The following TENM3 variants were observed in gnomAD, a reference collection of about 807,000 sequenced individuals.
TENM3 encodes teneurin transmembrane protein 3.
TENM3 carries 63 observed loss-of-function variants against 255.1 expected under a neutral mutation model. The observed-to-expected ratio is 0.25, with a 90% CI of 0.20 to 0.30. The LOEUF is 0.30. Ranked by LOEUF, TENM3 falls within the 10% of genes least tolerant of loss-of-function variation. The pLI is 1.00. For synonymous variants in TENM3, 1,306 were observed against 1,322.3 expected (o/e 0.99, Z 0.27); for missense variants, 2,929 against 3,461.1 (o/e 0.85, Z 3.86).
chr4:181,683,516 G>A, the TENM3 span, among the ~76,000 whole-genome samples: 193 of 152,274 alleles, frequency 1.3e-3, no homozygotes, highest in African/African-American at 4.3e-3. Context: ...TCTAGTGGGG[G>A]GGCCAAGAAT....
the TENM3 span, among the ~76,000 whole-genome samples, chr4:181,792,223 C>T: frequency 2.6e-5 from 4 of 152,254 alleles, no homozygotes; most frequent in African/African-American, 9.6e-5. Context: ...GGAGAATATC[C>T]TTAAGATTAA....
the TENM3 span, among the ~76,000 whole-genome samples, chr4:182,044,443 G>T: frequency 6.6e-6 from 1 of 152,160 alleles, no homozygotes; most frequent in Admixed American, 6.5e-5. Context: ...AGGTCACGCA[G>T]ATATTTTAAC....
the TENM3 span, among the ~76,000 whole-genome samples, chr4:181,970,479 C>T: frequency 3.3e-5 from 5 of 152,182 alleles, no homozygotes; most frequent in Non-Finnish European, 7.4e-5. Flanking sequence ...TTGAAACTTT[C>T]ACTTCCTGTG....
chr4:181,852,959 A>G, the TENM3 span, among the ~76,000 whole-genome samples: 1 of 152,258 alleles, frequency 6.6e-6, no homozygotes, highest in Non-Finnish European at 1.5e-5. Flanking sequence ...TACCACAATA[A>G]GAATAAATAA....
chr4:181,650,513 G>A, the TENM3 span, among the ~76,000 whole-genome samples: 24 of 152,176 alleles, frequency 1.6e-4, no homozygotes, highest in African/African-American at 5.3e-4. Flanking sequence ...TTCATCATCC[G>A]CTTCTCTTTC....
chr4:182,192,272 G>A (rs930856096), intron 1 of TENM3, among the ~76,000 whole-genome samples: 1 of 152,102 alleles, frequency 6.6e-6, no homozygotes, highest in African/African-American at 2.4e-5. Flanking sequence ...GTTACTATCT[G>A]GCTCTTTACA....
chr4:182,012,548 A>G, the TENM3 span: 3 of 152,208 alleles, frequency 2.0e-5, no homozygotes, highest in Non-Finnish European at 4.4e-5. Context: ...AGCTTTCACT[A>G]AAGTCTGGAG....
At chr4:181,856,879 A>G in the TENM3 span, among the ~76,000 whole-genome samples, 1 of 152,332 alleles carries the variant, frequency 6.6e-6, no homozygotes, top group African/African-American at 2.4e-5. Context: ...GCAGCACCAC[A>G]GTGGTTATAG....
the TENM3 span, among the ~76,000 whole-genome samples, chr4:181,801,277 G>A: frequency 3.3e-5 from 5 of 152,016 alleles, no homozygotes; most frequent in Admixed American, 6.6e-5. Context: ...CTCTTTACAC[G>A]TCTGAGAGAC....
chr4:181,859,258 A>AAC, the TENM3 span, among the ~76,000 whole-genome samples: 6 of 130,836 alleles, frequency 4.6e-5, no homozygotes, highest in African/African-American at 1.6e-4. Context: ...AAAAAAAAAA[A>AAC]AAAAAAAATC....
chr4:182,387,056 G>A (rs1420493625), intron 3 of TENM3, among the ~76,000 whole-genome samples: 1 of 152,190 alleles, frequency 6.6e-6, no homozygotes, highest in African/African-American at 2.4e-5. Flanking sequence ...TCTAGCTCAG[G>A]GATTGTAAAC....
the TENM3 span, among the ~76,000 whole-genome samples, chr4:181,572,977 A>G: frequency 6.6e-6 from 1 of 152,142 alleles, no homozygotes; most frequent in Non-Finnish European, 1.5e-5. Context: ...CCCACAAATG[A>G]ATGAGAACAT....
the TENM3 span, among the ~76,000 whole-genome samples, chr4:181,462,353 C>T: frequency 4.6e-5 from 7 of 152,128 alleles, no homozygotes; most frequent in African/African-American, 1.7e-4. Context: ...TGTCAGGCTG[C>T]CTTGGTCTCC....
At chr4:182,035,319 A>G in the TENM3 span, among the ~76,000 whole-genome samples, 2 of 152,250 alleles carry the variant, frequency 1.3e-5, no homozygotes, top group African/African-American at 4.8e-5. Flanking sequence ...TTATTATTAA[A>G]AATACCAGCA....
At chr4:182,667,452 G>A (rs1365472153) in intron 6 of TENM3, among the ~76,000 whole-genome samples, 1 of 152,092 alleles carries the variant, frequency 6.6e-6, no homozygotes, top group Non-Finnish European at 1.5e-5. Context: ...GTCTCCCAAA[G>A]TGCTGGGATT....
At chr4:182,224,967 C>G (rs561237173) in intron 1 of TENM3, among the ~76,000 whole-genome samples, 1 of 152,004 alleles carries the variant, frequency 6.6e-6, no homozygotes, top group Non-Finnish European at 1.5e-5. Flanking sequence ...CTCCTGATCT[C>G]GTGATCTGCC....
At chr4:181,584,643 A>C in the TENM3 span, among the ~76,000 whole-genome samples, 1 of 152,170 alleles carries the variant, frequency 6.6e-6, no homozygotes, top group African/African-American at 2.4e-5. Context: ...AAGAACTCTC[A>C]ATAGGTGCTA....
At chr4:182,151,496 T>G (rs1750353074) in intron 1 of TENM3, among the ~76,000 whole-genome samples, 1 of 152,074 alleles carries the variant, frequency 6.6e-6, no homozygotes, top group African/African-American at 2.4e-5. Context: ...TTTAAATAGC[T>G]CTTAAGAAAA....
intron 4 of TENM3, among the ~76,000 whole-genome samples, chr4:182,623,556 TC>T (rs1313128311): frequency 6.6e-6 from 1 of 151,966 alleles, no homozygotes; most frequent in East Asian, 1.9e-4. Context: ...TGGTCTCGAC[TC>T]CTGAGCTTGT....
Sources: allele counts gnomAD v4.1 joint callset (sites outside exome capture counted in the v4.1 genomes callset), GRCh38; gene constraint gnomAD v4.1.1; transcripts MANE v1.5; gene names NCBI Gene and HGNC (gene_info 2026-07-23, HGNC 2026-07-21).